The following INPP5B variants were observed in gnomAD, a reference collection of about 807,000 sequenced individuals.
The protein encoded by INPP5B is type II inositol 1,4,5-trisphosphate 5-phosphatase.
In INPP5B, 90 loss-of-function variants were observed where a neutral mutation model predicts 118.5. The observed-to-expected ratio is 0.76, with a 90% CI of 0.64 to 0.90. INPP5B has a LOEUF of 0.90. Among genes scored for constraint, INPP5B ranks in the 40% least tolerant of loss-of-function variants. INPP5B has a pLI of 0.00. For synonymous variants in INPP5B, 385 were observed against 418.9 expected, an observed-to-expected ratio of 0.92 and a Z score of 0.99; for missense variants, 984 against 1,125.6, an observed-to-expected ratio of 0.87 and a Z score of 1.80.
chr1:37,904,323 C>CA (rs1261810577), intron 7 of INPP5B, among the ~76,000 whole-genome samples: 2 of 148,162 alleles, frequency 1.3e-5, no homozygotes, highest in African/African-American at 2.5e-5. Flanking sequence ...GACTCCGTCT[C>CA]AAAAAAAAAT....
intron 7 of INPP5B, among the ~76,000 whole-genome samples, chr1:37,897,049 C>T (rs1644133877): frequency 6.7e-6 from 1 of 148,162 alleles, no homozygotes; most frequent in Admixed American, 6.6e-5. Context: ...TGCCCGGCTG[C>T]CCCTACTGGG....
chr1:37,863,688 AGCACACACACACACACACAT>A (rs1305223256), intron 23 of INPP5B, among the ~76,000 whole-genome samples: 4 of 151,562 alleles, frequency 2.6e-5, no homozygotes, highest in African/African-American at 7.3e-5. Flanking sequence ...GACTTTCTCA[AGCACACACACACACACACAT>A]GCACACACAA....
At chr1:37,891,038 C>G (rs1157549821) in intron 8 of INPP5B, among the ~76,000 whole-genome samples, 2 of 151,932 alleles carry the variant, frequency 1.3e-5, no homozygotes, top group Non-Finnish European at 2.9e-5. Flanking sequence ...ACCAGCCTGA[C>G]CAACATGGAG....
chr1:37,900,073 A>ATTTT (rs34018622), intron 7 of INPP5B, among the ~76,000 whole-genome samples: 5 of 114,644 alleles, frequency 4.4e-5, no homozygotes, highest in Non-Finnish European at 7.0e-5. Flanking sequence ...TTTACCTTGA[A>ATTTT]TTTTTTTTTT....
At position 37,887,354 on chromosome 1, in the gene INPP5B, T is replaced by C. The variant is rs369736793; in HGVS notation, c.1011A>G (p.Ala337=). The change falls in exon 11 of 24, where the codon GCA becomes GCG. Residue 337 remains alanine (A), a synonymous_variant. Transcript: ENST00000373024. ...AGGTCCCTGACTCCTCTCTTACCTT[T>C]GCATATTTGGCATCTGGATGAAGAC... ...SEGLHPDAKY[A]KVKLIRLVGI... The C allele has an allele frequency of 6.3e-7, 1 of 1,578,574 alleles. No homozygotes were observed. Among genetic ancestry groups the C allele is most frequent in the Non-Finnish European group, 8.7e-7 (1 of 1,149,888 alleles).
At chr1:37,902,166 T>C (rs912483086) in intron 7 of INPP5B, among the ~76,000 whole-genome samples, 1 of 152,030 alleles carries the variant, frequency 6.6e-6, no homozygotes, top group Non-Finnish European at 1.5e-5. Context: ...TTTGTATTTT[T>C]AGTAGAAACG....
chr1:37,919,407 G>C (rs982679784), intron 7 of INPP5B, among the ~76,000 whole-genome samples: 1 of 152,144 alleles, frequency 6.6e-6, no homozygotes, highest in African/African-American at 2.4e-5. Flanking sequence ...CAGAATACCT[G>C]ACAGTTCAAA....
At chr1:37,894,553 T>C (rs916305849) in intron 7 of INPP5B, among the ~76,000 whole-genome samples, 5 of 149,988 alleles carry the variant, frequency 3.3e-5, no homozygotes, top group East Asian at 1.9e-4. Flanking sequence ...TCTATGTTTT[T>C]CTTTTTTCTT....
intron 17 of INPP5B, among the ~76,000 whole-genome samples, 157 bp downstream of exon 17, chr1:37,875,449 T>C (rs555078900): frequency 5.3e-5 from 8 of 152,188 alleles, no homozygotes; most frequent in East Asian, 1.9e-4. Context: ...TTTGTATTTT[T>C]AGTAGAGACA....
At position 37,915,362 on chromosome 1, in the gene INPP5B, T is replaced by C. The variant is rs533179111; in HGVS notation, c.532+16551A>G. Among the ~76,000 whole-genome samples the C allele has an allele frequency of 1.3e-3, 198 of 152,338 alleles. 1 individual carries two copies. The highest frequency in any genetic ancestry group is 2.1e-3 in the Non-Finnish European group (146 of 68,026). The stretch of plus-strand genomic sequence containing the variant: ...CCCAGTTAATCAAACGCTTTCATAT[T>C]TCCACAGTATAACTTACGAAGAGTA... On this transcript the variant is annotated intron_variant, in intron 7 of 23. Coordinates refer to ENST00000373024, the MANE Select transcript of INPP5B (RefSeq NM_005540.3).
At chr1:37,938,081 A>T (rs1172835461) in intron 6 of INPP5B, among the ~76,000 whole-genome samples, 1 of 151,252 alleles carries the variant, frequency 6.6e-6, no homozygotes, top group Non-Finnish European at 1.5e-5. Context: ...GACCAGCCTG[A>T]TCAACATGGT....
In INPP5B at chr1:37,885,710, T is replaced by A; in HGVS notation, c.1247A>T (p.Lys416Met). ...EEYERRNQDY[K>M]DICSRMQFCQ... ...AAACTGCATTCGAGAACAAATGTCC[T>A]TATAGTCCTGGTTCCTCCTCTCATA... Residue 416 changes from lysine (K) to methionine (M), a missense_variant, in exon 13 of 24, where the codon AAG becomes ATG. Physicochemically the swap from Lys to Met is moderately conservative, Grantham distance 95. Coordinates refer to ENST00000373024, the MANE Select transcript of INPP5B (RefSeq NM_005540.3). 5 of 1,614,204 alleles carry A rather than the reference T, an allele frequency of 3.1e-6. No individual in the cohort carries two copies. Among genetic ancestry groups the A allele is most frequent in the Non-Finnish European group, 4.2e-6 (5 of 1,180,026 alleles).
intron 3 of INPP5B, among the ~76,000 whole-genome samples, 167 bp downstream of exon 3, chr1:37,945,589 G>T (rs182103117): frequency 6.6e-6 from 1 of 152,222 alleles, no homozygotes; most frequent in African/African-American, 2.4e-5. Context: ...GAGTTAGTAC[G>T]TGTGCAGGGT....
chr1:37,864,257 C>T, intron 23 of INPP5B, 55 bp downstream of exon 23: 2 of 973,292 alleles, frequency 2.1e-6, no homozygotes, highest in South Asian at 1.4e-5. Flanking sequence ...CCTCATTTCT[C>T]ATTACGAGTC....
At chr1:37,902,758 A>G (rs1035985926) in intron 7 of INPP5B, among the ~76,000 whole-genome samples, 1 of 152,170 alleles carries the variant, frequency 6.6e-6, no homozygotes, top group Non-Finnish European at 1.5e-5. Context: ...GGATTTCTCC[A>G]TGTTGGTCAG....
At chr1:37,862,460 T>C (rs1641755593) in intron 23 of INPP5B, 30 bp from the exon 24 acceptor site, 11 of 1,421,366 alleles carry the variant, frequency 7.7e-6, no homozygotes, top group African/African-American at 1.4e-5. Context: ...AAAGAAATGA[T>C]TCAGCAAAAG....
chr1:37,917,252 G>A (rs1644898699), intron 7 of INPP5B, among the ~76,000 whole-genome samples: 1 of 139,306 alleles, frequency 7.2e-6, no homozygotes, highest in South Asian at 2.5e-4. Context: ...TTGTGCCACT[G>A]CACTCCTGCC....
rs1642092339 is a variant in INPP5B at position 37,867,051 on chromosome 1, G to A, written c.2302-508C>T. Reference sequence around the variant, plus strand: ...GATTGAGACCATCCTGGCCAACACGGTGAAACCCCGTCTTTAATAAAAATA... The same window carrying A: ...GATTGAGACCATCCTGGCCAACACGATGAAACCCCGTCTTTAATAAAAATA... On this transcript the variant is annotated intron_variant, in intron 20 of 23. Transcript: ENST00000373024. 2.6e-5 allele frequency among the ~76,000 whole-genome samples: 4 copies of A among 152,282 alleles called. No individual in the cohort carries two copies. The South Asian group carries it at 8.3e-4, about 32-fold the overall frequency.
At chr1:37,927,049 G>A (rs1370197070) in intron 7 of INPP5B, among the ~76,000 whole-genome samples, 1 of 152,162 alleles carries the variant, frequency 6.6e-6, no homozygotes, top group Non-Finnish European at 1.5e-5. Context: ...AGCACTTTGG[G>A]AGGCCCAGGC....
Sources: allele counts gnomAD v4.1 joint callset (sites outside exome capture counted in the v4.1 genomes callset), GRCh38; gene constraint gnomAD v4.1.1; transcripts MANE v1.5; gene names NCBI Gene and HGNC (gene_info 2026-07-23, HGNC 2026-07-21).